Variants in ALDH1L1 observed in about 807,000 individuals in gnomAD.
ALDH1L1 encodes aldehyde dehydrogenase 1 family member L1.
Under a neutral mutation model 101.1 loss-of-function variants are expected in ALDH1L1, and 68 were observed. That is an observed-to-expected ratio of 0.67 (90% CI 0.55 to 0.82). The LOEUF (loss-of-function observed/expected upper bound fraction) is 0.82. Among genes scored for constraint, ALDH1L1 ranks in the 40% least tolerant of loss-of-function variants. The pLI, the probability that ALDH1L1 is intolerant of heterozygous loss-of-function variation, is 0.00. For synonymous variants in ALDH1L1, 486 were observed against 470.8 expected (o/e 1.03, Z -0.42); for missense variants, 1,087 against 1,172.7 (o/e 0.93, Z 1.07).
Position 126,164,544 on chromosome 3 carries a change from G to C in ALDH1L1, c.-23-3542C>G, listed in dbSNP as rs372673252. ...CTAGTCCACCCATGTTGCTGCAAAA[G>C]ACATGCTTTCACTCCTTTTTATGGT... On this transcript the variant is annotated intron_variant, in intron 1 of 22. Coordinates refer to ENST00000393434, the MANE Select transcript of ALDH1L1 (RefSeq NM_012190.4). 3.3e-5 allele frequency among the ~76,000 whole-genome samples: 5 copies of C among 152,312 alleles called. 1 individual carries two copies.
chr3:126,106,936 G>C (rs913253809), intron 21 of ALDH1L1, among the ~76,000 whole-genome samples: 2 of 152,340 alleles, frequency 1.3e-5, no homozygotes, highest in African/African-American at 4.8e-5. Flanking sequence ...TTGCTCACAG[G>C]GGGGACTCAA....
intron 1 of ALDH1L1, among the ~76,000 whole-genome samples, chr3:126,174,540 C>A (rs570795240): frequency 3.4e-4 from 52 of 152,108 alleles, no homozygotes; most frequent in Non-Finnish European, 6.2e-4. Context: ...TCAATGACTT[C>A]TATGATGGAG....
chr3:126,106,605 G>GCTTC (rs1371233683), intron 21 of ALDH1L1, among the ~76,000 whole-genome samples: 1 of 152,086 alleles, frequency 6.6e-6, no homozygotes, highest in African/African-American at 2.4e-5. Flanking sequence ...GAGCCTTTTG[G>GCTTC]CTTCCACCTG....
Position 126,160,939 on chromosome 3 carries a change from T to C in ALDH1L1, c.41A>G (p.Glu14Gly), listed in dbSNP as rs749043950. Residue 14 changes from glutamate to glycine, a missense_variant, in exon 2 of 23, where the codon GAA (glutamate) becomes GGA (glycine). Around this residue, in one of 2 missense-constraint regions of ALDH1L1, gnomAD observed 645 missense variants for 637.0 expected, o/e 1.01. Coordinates refer to ENST00000393434, the MANE Select transcript of ALDH1L1 (RefSeq NM_012190.4). ...CTCCTTCCTCAGGTGGCAGTAAACTTCCTGGCCAAACAGGCTCTGTCCAAT... is the reference window on the plus strand; with the variant it reads ...CTCCTTCCTCAGGTGGCAGTAAACTCCCTGGCCAAACAGGCTCTGTCCAAT... ...AVIGQSLFGQEVYCHLRKEGH... is the reference protein window; with the variant it reads ...AVIGQSLFGQGVYCHLRKEGH... 1 of 1,614,256 alleles carries C rather than the reference T, an allele frequency of 6.2e-7. No individual in the cohort carries two copies.
At chr3:126,190,076 A>G (rs2081543404) in intron 1 of ALDH1L1, among the ~76,000 whole-genome samples, 1 of 152,238 alleles carries the variant, frequency 6.6e-6, no homozygotes, top group African/African-American at 2.4e-5. Context: ...GGCGCCCCAG[A>G]AAGGAAACAC....
chr3:126,117,325 G>A (rs1298460946), intron 17 of ALDH1L1, among the ~76,000 whole-genome samples: 1 of 151,084 alleles, frequency 6.6e-6, no homozygotes, highest in Non-Finnish European at 1.5e-5. Flanking sequence ...AACTAATCAA[G>A]AATATTATCA....
At chr3:126,131,006 C>T (rs557788295) in intron 13 of ALDH1L1, among the ~76,000 whole-genome samples, 3 of 152,352 alleles carry the variant, frequency 2.0e-5, no homozygotes, top group Admixed American at 6.5e-5. Flanking sequence ...TGACCTGCTG[C>T]CGCTGGGAGA....
rs199519280 is a variant in ALDH1L1, at chr3:126,154,561, C to T, written c.713G>A (p.Cys238Tyr). The T allele has an allele frequency of 8.8e-5, 142 of 1,614,034 alleles. No homozygotes were observed. The highest frequency in any genetic ancestry group is 1.9e-5 in the Non-Finnish European group (23 of 1,180,006). The stretch of plus-strand genomic sequence containing the variant: ...AGCCATGCAGGGACACACCTGTTCA[C>T]AGGCCTCTGTCCAGGCTCCCGGCAC... The part of the protein sequence containing the change: ...DKVPGAWTEA[C>Y]EQKLTFFNST... The change falls in exon 6 of 23, where the codon TGT (cysteine) becomes TAT (tyrosine). Residue 238 changes from cysteine (C) to tyrosine (Y), a missense_variant. Around this residue, in one of 2 missense-constraint regions of ALDH1L1, gnomAD observed 645 missense variants for 637.0 expected, o/e 1.01. Coordinates refer to ENST00000393434, the MANE Select transcript of ALDH1L1 (RefSeq NM_012190.4).
intron 8 of ALDH1L1, 152 bp from the exon 9 acceptor site, chr3:126,147,078 C>CT (rs1264010017): frequency 8.6e-6 from 6 of 695,606 alleles, no homozygotes; most frequent in Non-Finnish European, 1.4e-5. Context: ...TCCCAGGAGG[C>CT]TTAATGGTCC....
chr3:126,120,665 T>C (rs1376695767), intron 16 of ALDH1L1, among the ~76,000 whole-genome samples: 1 of 152,122 alleles, frequency 6.6e-6, no homozygotes, highest in Non-Finnish European at 1.5e-5. Flanking sequence ...TGGTGCTGGA[T>C]ATTAGTAGTG....
chr3:126,156,585 T>C, intron 4 of ALDH1L1: 1 of 152,284 alleles, frequency 6.6e-6, no homozygotes, highest in Non-Finnish European at 1.5e-5. Flanking sequence ...CCCTCACATA[T>C]GATCCCCGGG....
Position 126,118,095 on chromosome 3 carries a change from G to A in ALDH1L1, c.1892C>T (p.Ser631Phe), listed in dbSNP as rs142947117. Residue 631 changes from serine (S) to phenylalanine (F), a missense_variant, in exon 17 of 23, where the codon TCC (serine) becomes TTC (phenylalanine). By Grantham distance (155) the Ser-to-Phe change is radical. This residue lies in a region of ALDH1L1 where 442 missense variants were observed against 535.7 expected (regional missense o/e 0.83). Transcript: ENST00000393434. ...GVVNVLPGSG[S>F]LVGQRLSDHP... The stretch of plus-strand genomic sequence containing the variant: ...GTCTGAGAGTCTCTGGCCGACCAGG[G>A]AGCCTGTGGGCGGGAGGGAGGGGGG... 6 of 1,612,986 alleles carry A rather than the reference G, an allele frequency of 3.7e-6. No homozygotes were observed. The highest frequency in any genetic ancestry group is 5.1e-6 in the Non-Finnish European group (6 of 1,179,540).
intron 1 of ALDH1L1, among the ~76,000 whole-genome samples, chr3:126,167,147 G>A (rs944986100): frequency 2.6e-5 from 4 of 151,944 alleles, no homozygotes; most frequent in African/African-American, 7.3e-5. Context: ...GTATTATTAC[G>A]TTGCCTTTAT....
intron 14 of ALDH1L1, among the ~76,000 whole-genome samples, chr3:126,127,966 G>T (rs1263026494): frequency 6.6e-6 from 1 of 152,054 alleles, no homozygotes; most frequent in Non-Finnish European, 1.5e-5. Flanking sequence ...TCACAGATGA[G>T]AGCTGGAGGA....
chr3:126,133,187 C>T (rs1223415776), intron 12 of ALDH1L1, among the ~76,000 whole-genome samples: 1 of 152,190 alleles, frequency 6.6e-6, no homozygotes, highest in African/African-American at 2.4e-5. Flanking sequence ...ACTTAGGGCC[C>T]GCTGCTTTGC....
intron 13 of ALDH1L1, among the ~76,000 whole-genome samples, 184 bp downstream of exon 13, chr3:126,131,200 C>T (rs2080294835): frequency 6.6e-6 from 1 of 152,258 alleles, no homozygotes; most frequent in Admixed American, 6.5e-5. Context: ...TGGCATGGAA[C>T]CCAGCCCAGC....
At chr3:126,147,947 G>A (rs2080729960) in intron 8 of ALDH1L1, among the ~76,000 whole-genome samples, 1 of 152,070 alleles carries the variant, frequency 6.6e-6, no homozygotes, top group African/African-American at 2.4e-5. Context: ...ACCTTCCCCT[G>A]ACTCCCCAGC....
chr3:126,180,939 C>G, upstream of ALDH1L1: 3 of 1,610,288 alleles, frequency 1.9e-6, no homozygotes, highest in South Asian at 1.1e-5. Flanking sequence ...CTCACCCTCT[C>G]TCACTCTTGA....
intron 11 of ALDH1L1, 67 bp from the exon 12 acceptor site, chr3:126,135,729 T>G: frequency 7.0e-7 from 1 of 1,434,040 alleles, no homozygotes; most frequent in Non-Finnish European, 9.1e-7. Flanking sequence ...CCCTGCCTGC[T>G]TCCCTGGCCT....
Sources: allele counts gnomAD v4.1 joint callset (sites outside exome capture counted in the v4.1 genomes callset), GRCh38; gene constraint gnomAD v4.1.1; regional missense constraint gnomAD v4.1.1; transcripts MANE v1.5; gene names NCBI Gene and HGNC (gene_info 2026-07-23, HGNC 2026-07-21).